Variants in MINDY4 observed in about 807,000 individuals in gnomAD.
MINDY4 encodes probable ubiquitin carboxyl-terminal hydrolase MINDY-4.
Under a neutral mutation model 87.0 loss-of-function variants are expected in MINDY4, and 68 were observed. That is an observed-to-expected ratio of 0.78 (90% CI 0.64 to 0.96). The LOEUF is 0.96. MINDY4 is among the 40% of genes least tolerant of loss of function. The pLI is 0.00. For missense variants in MINDY4, 919 were observed against 928.2 expected (o/e 0.99, Z 0.13); for synonymous variants, 379 against 363.2 (o/e 1.04, Z -0.50).
At position 30,791,327 on chromosome 7, in the gene MINDY4, A is replaced by C; in HGVS notation, c.826A>C (p.Ser276Arg). 6.2e-7 allele frequency: 1 copy of C among 1,614,152 alleles called. No homozygotes were observed. The change falls in exon 5 of 18, where the codon AGT (serine) becomes CGT (arginine). Residue 276 changes from serine to arginine, a missense_variant. Ser to Arg is a moderately radical substitution (Grantham distance 110). Transcript: ENST00000265299. ...CTCCAGGACCTCCCTGGGTCAGCTT[A>C]GTGAACTGACCGTAGAAAGGCAGAA... ...SPSRTSLGQL[S>R]ELTVERQKTT...
chr7:30,810,173 T>TAAAA (rs1787940801), intron 5 of MINDY4, among the ~76,000 whole-genome samples: 3 of 33,466 alleles, frequency 9.0e-5, no homozygotes, highest in African/African-American at 2.1e-4. Context: ...AGACTCTGTT[T>TAAAA]CAAAAAAAAA....
At position 30,842,990 on chromosome 7, in the gene MINDY4, C is replaced by T. The variant is rs377377562; in HGVS notation, c.1445+2142C>T. ...GCCCTGCCTCTAATAACTCCACTGC[C>T]AGCTGGTGCTCTTGCTCATCGATAT... On this transcript the variant is annotated intron_variant, in intron 9 of 17. Transcript: ENST00000265299. Among the ~76,000 whole-genome samples the T allele has an allele frequency of 3.0e-4, 46 of 152,194 alleles. No homozygotes were observed. In the East Asian group the frequency reaches 4.0e-3, roughly 13 times the overall value.
At chr7:30,784,744 C>T (rs1009782099) in intron 3 of MINDY4, among the ~76,000 whole-genome samples, 5 of 152,182 alleles carry the variant, frequency 3.3e-5, no homozygotes, top group Non-Finnish European at 7.3e-5. Flanking sequence ...TTTCCCCAGG[C>T]TGGTTCCAGC....
chr7:30,792,037 A>G (rs916668628), intron 5 of MINDY4, among the ~76,000 whole-genome samples: 1 of 152,216 alleles, frequency 6.6e-6, no homozygotes, highest in African/African-American at 2.4e-5. Flanking sequence ...CAACATGGCC[A>G]GGCAGACGTG....
intron 12 of MINDY4, among the ~76,000 whole-genome samples, chr7:30,857,535 C>G (rs538851827): frequency 9.5e-6 from 1 of 105,524 alleles, no homozygotes; most frequent in South Asian, 3.5e-4. Context: ...TGCAGTGGCG[C>G]GATCTCGGCT....
chr7:30,805,101 G>A (rs891749526), intron 5 of MINDY4, among the ~76,000 whole-genome samples: 4 of 152,330 alleles, frequency 2.6e-5, no homozygotes, highest in East Asian at 1.9e-4. Flanking sequence ...AAGATGTGCC[G>A]CAAGGTGAGT....
At position 30,850,386 on chromosome 7, in the gene MINDY4, A is replaced by C; in HGVS notation, c.1446-68A>C. The stretch of plus-strand genomic sequence containing the variant: ...GCGGAGGGGACTGCCTGACCACACT[A>C]AGTAGAGCTGCACCATCTCAACCTT... On this transcript the variant is annotated intron_variant, in intron 9 of 17. Coordinates refer to ENST00000265299, the MANE Select transcript of MINDY4 (RefSeq NM_032222.3). 3 of 1,428,878 alleles carry C rather than the reference A, an allele frequency of 2.1e-6. No homozygotes were observed. In the South Asian group the frequency reaches 3.7e-5, roughly 17 times the overall value. The allele number at this position is 1,428,878 out of a possible 1,614,324, so 88.5% of individuals were successfully genotyped here.
rs1176212442 is a variant in MINDY4, at chr7:30,857,461, GTTTTTTTTTTT to G, written c.1678-1777_1678-1767del. Among the ~76,000 whole-genome samples the G allele has an allele frequency of 3.4e-3, 198 of 58,986 alleles. 11 individuals carry two copies. Among genetic ancestry groups the G allele is most frequent in the Non-Finnish European group, 3.7e-3 (130 of 35,044 alleles). 38.7% of individuals were successfully genotyped at this position (58,986 alleles called of 152,430 possible). ...AAGAGGAGAGATCCATATCCACCTT[GTTTTTTTTTTT>G]TTTTTTTTTTTTTTTTTTGAGACGG... On this transcript the variant is annotated intron_variant, in intron 12 of 17. Coordinates refer to ENST00000265299, the MANE Select transcript of MINDY4 (RefSeq NM_032222.3).
At chr7:30,829,717 G>A (rs1261780566) in intron 6 of MINDY4, among the ~76,000 whole-genome samples, 1 of 152,218 alleles carries the variant, frequency 6.6e-6, no homozygotes, top group African/African-American at 2.4e-5. Flanking sequence ...GTAGATGTCT[G>A]TGCATGGCTG....
At chr7:30,812,473 T>A (rs2128558652) in intron 5 of MINDY4, among the ~76,000 whole-genome samples, 1 of 152,198 alleles carries the variant, frequency 6.6e-6, no homozygotes, top group South Asian at 2.1e-4. Flanking sequence ...GCTAATAGGA[T>A]CTATCTCTTA....
At chr7:30,812,685 C>T (rs1271377105) in intron 5 of MINDY4, among the ~76,000 whole-genome samples, 1 of 152,154 alleles carries the variant, frequency 6.6e-6, no homozygotes, top group Non-Finnish European at 1.5e-5. Context: ...CACATGTTTT[C>T]CAGGTGCATA....
intron 2 of MINDY4, 133 bp downstream of exon 2, chr7:30,778,684 C>T (rs12667436): frequency 0.044 from 47,036 of 1,078,738 alleles, 2,016 homozygotes; most frequent in East Asian, 0.19. Flanking sequence ...CAGAGAGAAA[C>T]GGACCCCCCA....
At chr7:30,845,324 AG>A (rs1200930972) in intron 9 of MINDY4, among the ~76,000 whole-genome samples, 1 of 152,146 alleles carries the variant, frequency 6.6e-6, no homozygotes, top group African/African-American at 2.4e-5. Context: ...ACACGAGCAA[AG>A]GGAAACACTG....
At chr7:30,771,580 C>A (rs765050724) in intron 1 of MINDY4, 24 bp downstream of exon 1, 4 of 1,573,746 alleles carry the variant, frequency 2.5e-6, no homozygotes, top group East Asian at 4.6e-5. Flanking sequence ...CCCTCCAAAG[C>A]CCAGGAAGTG....
chr7:30,867,511 T>C (rs1308921233), intron 13 of MINDY4, among the ~76,000 whole-genome samples: 1 of 152,148 alleles, frequency 6.6e-6, no homozygotes, highest in African/African-American at 2.4e-5. Context: ...GTATTGCAAA[T>C]GGGGAGACTG....
intron 15 of MINDY4, among the ~76,000 whole-genome samples, chr7:30,876,999 G>A (rs975404780): frequency 1.3e-5 from 2 of 152,124 alleles, no homozygotes; most frequent in African/African-American, 2.4e-5. Context: ...CCCATGTGGT[G>A]CAGCCCCCTC....
At chr7:30,836,113 A>T (rs891487780) in intron 6 of MINDY4, among the ~76,000 whole-genome samples, 1 of 152,218 alleles carries the variant, frequency 6.6e-6, no homozygotes, top group Non-Finnish European at 1.5e-5. Flanking sequence ...TTACTTTCTC[A>T]TAAGGCTGTT....
chr7:30,814,299 A>AT (rs1788088632), intron 5 of MINDY4, among the ~76,000 whole-genome samples: 1 of 152,094 alleles, frequency 6.6e-6, no homozygotes, highest in African/African-American at 2.4e-5. Context: ...GGTTATTATC[A>AT]TTTTTTTCTG....
intron 5 of MINDY4, among the ~76,000 whole-genome samples, chr7:30,823,648 A>G (rs1788407399): frequency 6.6e-6 from 1 of 152,046 alleles, no homozygotes; most frequent in Admixed American, 6.5e-5. Flanking sequence ...TCCTGTTTTT[A>G]AAAAGTTTCT....
Sources: gnomAD v4.1 joint callset for allele counts (sites outside exome capture counted in the v4.1 genomes callset) on GRCh38, gnomAD v4.1.1 for gene constraint, MANE v1.5 for transcripts, NCBI Gene and HGNC (gene_info 2026-07-23, HGNC 2026-07-21) for gene names.